The following SCAMP2 variants were observed in gnomAD, a reference collection of about 807,000 sequenced individuals.
The protein encoded by SCAMP2 is secretory carrier-associated membrane protein 2.
In SCAMP2, 25 loss-of-function variants were observed where a neutral mutation model predicts 44.1. The ratio of observed to expected loss-of-function variants is 0.57; its 90% CI spans 0.41 to 0.79. The LOEUF (loss-of-function observed/expected upper bound fraction) is 0.79. SCAMP2 is among the 30% of genes least tolerant of loss of function. The pLI, the probability that SCAMP2 is intolerant of heterozygous loss-of-function variation, is 0.00. For synonymous variants in SCAMP2, 156 were observed against 166.0 expected (o/e 0.94, Z 0.46); for missense variants, 355 against 411.0 (o/e 0.86, Z 1.18).
Position 74,862,831 on chromosome 15 carries a change from A to C in SCAMP2, c.58-8182T>G, listed in dbSNP as rs567853098. On this transcript the variant is annotated intron_variant, in intron 1 of 8. Coordinates refer to ENST00000268099, the MANE Select transcript of SCAMP2 (RefSeq NM_005697.5). ...GGCGAGACTCCATCTCAAAAAAAAA[A>C]AAAAAAACAAAAAACAAACCATACA... Among the ~76,000 whole-genome samples the C allele has an allele frequency of 3.0e-3, 423 of 142,572 alleles. 4 individuals are homozygous for C. Among genetic ancestry groups the C allele is most frequent in the Non-Finnish European group, 5.0e-3 (335 of 66,396 alleles). 93.5% of individuals were successfully genotyped at this position (142,572 alleles called of 152,430 possible).
At chr15:74,863,163 G>A (rs1195541847) in intron 1 of SCAMP2, among the ~76,000 whole-genome samples, 2 of 151,984 alleles carry the variant, frequency 1.3e-5, no homozygotes, top group Admixed American at 1.3e-4. Flanking sequence ...TGGCCAGCAT[G>A]ATGAAACCCA....
Position 74,844,681 on chromosome 15 carries a change from G to A in SCAMP2, c.*402C>T. 1 of 167,524 alleles carries A rather than the reference G, an allele frequency of 6.0e-6. No individual in the cohort carries two copies. The highest frequency in any genetic ancestry group is 1.7e-4 in the East Asian group (1 of 5,866). 10.4% of individuals were successfully genotyped at this position (167,524 alleles called of 1,614,324 possible). A position where few individuals can be genotyped will look rare whatever the true frequency, so the allele number is the denominator to read the frequency against. ...GGCTGTGTCTAAGAAGCCAGATTCA[G>A]GCCAGGCCTGCAGGGTGGGGGAGTC... is the stretch of plus-strand genomic sequence containing the variant. On this transcript the variant is annotated 3_prime_UTR_variant, in exon 9 of 9. Coordinates refer to ENST00000268099, the MANE Select transcript of SCAMP2 (RefSeq NM_005697.5).
chr15:74,860,953 T>C (rs1453475174), intron 1 of SCAMP2, among the ~76,000 whole-genome samples: 1 of 151,958 alleles, frequency 6.6e-6, no homozygotes, highest in African/African-American at 2.4e-5. Flanking sequence ...GGCGGGTAGA[T>C]CACCTGAGGT....
rs151272156 is a variant in SCAMP2 at position 74,867,994 on chromosome 15, C to T, written c.57+5205G>A. On this transcript the variant is annotated intron_variant, in intron 1 of 8. Transcript: ENST00000268099. ...TGAAAAATGGACAGTACAATGACTCCCTTTAGCTTTCCACCCCTTCATCAC... is the reference window on the plus strand; with the variant it reads ...TGAAAAATGGACAGTACAATGACTCTCTTTAGCTTTCCACCCCTTCATCAC... Among the ~76,000 whole-genome samples the T allele has an allele frequency of 7.9e-5, 12 of 152,266 alleles. No individual in the cohort carries two copies. The East Asian group carries it at 1.9e-3, about 24-fold the overall frequency.
intron 1 of SCAMP2, among the ~76,000 whole-genome samples, chr15:74,858,965 C>A (rs570651088): frequency 6.6e-6 from 1 of 151,762 alleles, no homozygotes; most frequent in Non-Finnish European, 1.5e-5. Flanking sequence ...CCTGCCACCA[C>A]GCCCGGCTAC....
At chr15:74,854,198 G>T in intron 2 of SCAMP2, 79 bp from the exon 3 acceptor site, 1 of 1,250,980 alleles carries the variant, frequency 8.0e-7, no homozygotes, top group Non-Finnish European at 1.2e-6. Context: ...ACAGCAGGAT[G>T]AGTGATGTGC....
chr15:74,845,643 A>T (rs761058053), intron 7 of SCAMP2, 50 bp from the exon 8 acceptor site: 12 of 1,608,788 alleles, frequency 7.5e-6, no homozygotes, highest in Non-Finnish European at 9.3e-6. Context: ...GTGGGCTCCA[A>T]AAGTCAGCAT....
chr15:74,871,993 C>A (rs2064578964), intron 1 of SCAMP2, among the ~76,000 whole-genome samples: 1 of 150,994 alleles, frequency 6.6e-6, no homozygotes, highest in African/African-American at 2.4e-5. Flanking sequence ...TGCAGTGAGC[C>A]GAGATCGCGC....
At chr15:74,867,954 T>C (rs1200332684) in intron 1 of SCAMP2, among the ~76,000 whole-genome samples, 2 of 152,240 alleles carry the variant, frequency 1.3e-5, no homozygotes, top group Non-Finnish European at 2.9e-5. Flanking sequence ...GGTGGTCTGA[T>C]TTTTAGTGGA....
At position 74,872,925 on chromosome 15, in the gene SCAMP2, T is replaced by G. The variant is rs552619611; in HGVS notation, c.57+274A>C. 2.9e-5 allele frequency: 12 copies of G among 418,678 alleles called. No individual in the cohort carries two copies. The South Asian group carries it at 4.8e-4, about 17-fold the overall frequency. The allele number at this position is 418,678 out of a possible 1,614,324, so 25.9% of individuals were successfully genotyped here. On this transcript the variant is annotated intron_variant, in intron 1 of 8. Coordinates refer to ENST00000268099, the MANE Select transcript of SCAMP2 (RefSeq NM_005697.5). The stretch of plus-strand genomic sequence containing the variant: ...ACTTCCGGAAGGGTCCGACCGTACC[T>G]GCTCCAGTCCCCTTCCCTAGCACAG...
intron 1 of SCAMP2, among the ~76,000 whole-genome samples, chr15:74,870,642 C>CTGTT (rs938261127): frequency 6.6e-6 from 1 of 152,202 alleles, no homozygotes; most frequent in African/African-American, 2.4e-5. Flanking sequence ...TGCAAACGCT[C>CTGTT]TGTCAAGAAA....
chr15:74,860,685 T>TAA (rs34842935), intron 1 of SCAMP2, among the ~76,000 whole-genome samples: 1,590 of 89,528 alleles, frequency 0.018, 46 homozygotes, highest in East Asian at 0.067. Context: ...AGACTCCATT[T>TAA]AAAAAAAAAA....
At chr15:74,852,381 C>T in intron 3 of SCAMP2, 195 bp from the exon 4 acceptor site, 1 of 410,048 alleles carries the variant, frequency 2.4e-6, no homozygotes, top group Admixed American at 4.4e-5. Context: ...TCCACTGCCC[C>T]CACACCTTCC....
chr15:74,846,468 GAAAAA>G (rs2064400484), intron 7 of SCAMP2, among the ~76,000 whole-genome samples: 8 of 140,094 alleles, frequency 5.7e-5, no homozygotes, highest in Admixed American at 2.9e-4. Context: ...AAAAAGAAAA[GAAAAA>G]AGAAAAAGGG....
intron 1 of SCAMP2, chr15:74,872,857 G>C (rs983411264): frequency 3.7e-6 from 1 of 269,924 alleles, no homozygotes; most frequent in Non-Finnish European, 6.9e-6. Context: ...CCAAGAATGA[G>C]GGAATGCGAT....
chr15:74,866,463 C>T (rs1013172256), intron 1 of SCAMP2, among the ~76,000 whole-genome samples: 2 of 152,092 alleles, frequency 1.3e-5, no homozygotes, highest in Non-Finnish European at 2.9e-5. Flanking sequence ...GTAATCCTAG[C>T]ATTCCGGGAG....
chr15:74,851,997 C>T (rs962513434), intron 4 of SCAMP2, 72 bp downstream of exon 4: 1 of 1,016,444 alleles, frequency 9.8e-7, no homozygotes. Flanking sequence ...TGCTGGGAGG[C>T]CCTCCGCACA....
intron 1 of SCAMP2, 61 bp downstream of exon 1, chr15:74,873,138 C>A: frequency 4.4e-6 from 6 of 1,352,048 alleles, no homozygotes; most frequent in Non-Finnish European, 5.8e-6. Context: ...GCGAGAGGCC[C>A]GGGCGGCGGC....
chr15:74,869,788 G>T (rs1272576953), intron 1 of SCAMP2, among the ~76,000 whole-genome samples: 2 of 152,104 alleles, frequency 1.3e-5, no homozygotes, highest in African/African-American at 2.4e-5. Context: ...AAATAAAAAC[G>T]ACTGTTCTGG....
Sources: allele counts gnomAD v4.1 joint callset (sites outside exome capture counted in the v4.1 genomes callset), GRCh38; gene constraint gnomAD v4.1.1; transcripts MANE v1.5; gene names NCBI Gene and HGNC (gene_info 2026-07-23, HGNC 2026-07-21).